The following MAPK10 variants were observed in gnomAD, a reference collection of about 807,000 sequenced individuals.
The protein encoded by MAPK10 is JNK3 alpha protein kinase.
Under a neutral mutation model 59.3 loss-of-function variants are expected in MAPK10, and 25 were observed. That is an observed-to-expected ratio of 0.42 (90% CI 0.31 to 0.59). The LOEUF (loss-of-function observed/expected upper bound fraction) is 0.59, where lower values mean the gene tolerates loss of function less well. Ranked by LOEUF, MAPK10 falls within the 20% of genes least tolerant of loss-of-function variation. The pLI is 0.15. For missense variants in MAPK10, 351 were observed against 568.9 expected, an observed-to-expected ratio of 0.62 and a Z score of 3.90; for synonymous variants, 190 against 200.5, an observed-to-expected ratio of 0.95 and a Z score of 0.44.
At chr4:86,092,634 T>C (rs1395835922) in intron 9 of MAPK10, among the ~76,000 whole-genome samples, 1 of 151,866 alleles carries the variant, frequency 6.6e-6, no homozygotes, top group East Asian at 1.9e-4. Context: ...TATATATATA[T>C]ATATTGCTAA....
rs192320881 is a variant in MAPK10, at chr4:86,251,046, G to A, written c.-6-56639C>T. On this transcript the variant is annotated intron_variant, in intron 2 of 13. Transcript: ENST00000641462. ...AGTGAAGGAATTGTCCATCACAAAAGATATTTGTTCCCACATTAGAAGCCT... is the reference window on the plus strand; with the variant it reads ...AGTGAAGGAATTGTCCATCACAAAAAATATTTGTTCCCACATTAGAAGCCT... Among the ~76,000 whole-genome samples the A allele has an allele frequency of 6.5e-3, 840 of 129,784 alleles. 9 individuals carry two copies. Among genetic ancestry groups the A allele is most frequent in the African/African-American group, 0.032 (807 of 25,138 alleles). The allele number at this position is 129,784 out of a possible 152,430, so 85.1% of individuals were successfully genotyped here.
intron 1 of MAPK10, among the ~76,000 whole-genome samples, chr4:86,524,592 G>A (rs1483902373): frequency 1.3e-5 from 2 of 152,150 alleles, no homozygotes; most frequent in Non-Finnish European, 2.9e-5. Context: ...AGGGTTGCCA[G>A]GTAAGATACA....
In MAPK10 at chr4:86,434,880, A is replaced by G. The variant is rs117502054; in HGVS notation, c.-122+18150T>C. Among the ~76,000 whole-genome samples the G allele has an allele frequency of 3.7e-4, 56 of 152,362 alleles. No homozygotes were observed. In the East Asian group the frequency reaches 8.7e-3, roughly 24 times the overall value. On this transcript the variant is annotated intron_variant, in intron 1 of 13. Transcript: ENST00000361569. ...GCAGCACTATTCACAATAACCAAACATGGGATCAACCTGTGTCTGTCAATG... is the reference window on the plus strand; with the variant it reads ...GCAGCACTATTCACAATAACCAAACGTGGGATCAACCTGTGTCTGTCAATG...
chr4:86,018,590 C>T (rs937245317), intron 13 of MAPK10, among the ~76,000 whole-genome samples: 2 of 152,138 alleles, frequency 1.3e-5, no homozygotes, highest in Non-Finnish European at 2.9e-5. Flanking sequence ...TTGAGATCAA[C>T]AAAAGAAAGA....
intron 1 of MAPK10, among the ~76,000 whole-genome samples, chr4:86,593,153 C>T (rs1763212001): frequency 6.6e-6 from 1 of 152,104 alleles, no homozygotes; most frequent in African/African-American, 2.4e-5. Context: ...CTATTAATTC[C>T]CTCATTCATC....
At chr4:86,234,984 A>G (rs1396215004) in intron 2 of MAPK10, among the ~76,000 whole-genome samples, 1 of 152,172 alleles carries the variant, frequency 6.6e-6, no homozygotes, top group Non-Finnish European at 1.5e-5. Flanking sequence ...ATCATACCAG[A>G]TCATCTCTCC....
chr4:86,376,575 T>G (rs971682769), intron 1 of MAPK10, among the ~76,000 whole-genome samples: 2 of 152,204 alleles, frequency 1.3e-5, no homozygotes, highest in Non-Finnish European at 2.9e-5. Flanking sequence ...TGAAATTATG[T>G]CTCAGGCATA....
At chr4:86,046,686 T>C (rs2042564687) in intron 11 of MAPK10, among the ~76,000 whole-genome samples, 1 of 152,130 alleles carries the variant, frequency 6.6e-6, no homozygotes. Flanking sequence ...ACTCAAATAA[T>C]TTTTAAAAAG....
chr4:86,091,947 C>T (rs1049814441), intron 9 of MAPK10, among the ~76,000 whole-genome samples: 1 of 152,092 alleles, frequency 6.6e-6, no homozygotes, highest in Admixed American at 6.6e-5. Flanking sequence ...GCTGGGATTA[C>T]AGGCATGAGA....
intron 2 of MAPK10, among the ~76,000 whole-genome samples, chr4:86,233,854 G>C (rs2148669417): frequency 6.6e-6 from 1 of 151,976 alleles, no homozygotes; most frequent in Admixed American, 6.5e-5. Flanking sequence ...AAGATGCTTA[G>C]AATTCCAGGA....
At chr4:86,360,973 G>A (rs567007553), upstream of MAPK10, among the ~76,000 whole-genome samples, 13 of 152,194 alleles carry the variant, frequency 8.5e-5, no homozygotes, top group Admixed American at 3.9e-4. Flanking sequence ...CTCAAATTAC[G>A]TAATCTAATT....
rs527864062 is a variant in MAPK10, at chr4:86,179,299, C to T, written c.66+15037G>A. Among the ~76,000 whole-genome samples the T allele has an allele frequency of 2.6e-5, 4 of 151,920 alleles. No individual in the cohort carries two copies. In the South Asian group the frequency reaches 8.3e-4, roughly 32 times the overall value. Reference sequence around the variant, plus strand: ...ATAAAATACCTAGGAATAAATTTAACCAAGGAGGTGAAAGACTTATACAAG... The same window carrying T: ...ATAAAATACCTAGGAATAAATTTAATCAAGGAGGTGAAAGACTTATACAAG... On this transcript the variant is annotated intron_variant, in intron 3 of 13. Transcript: ENST00000641462.
At chr4:86,581,107 G>A (rs112421432) in intron 1 of MAPK10, among the ~76,000 whole-genome samples, 7,096 of 152,154 alleles carry the variant, frequency 0.047, 221 homozygotes, top group African/African-American at 0.061. Context: ...TTAGTTTCCT[G>A]TCTTCTATTT....
intron 11 of MAPK10, among the ~76,000 whole-genome samples, chr4:86,053,264 T>C (rs554122459): frequency 7.8e-4 from 119 of 152,280 alleles, no homozygotes; most frequent in Middle Eastern, 3.4e-3. Flanking sequence ...ATTTTCTTTA[T>C]TGATAAATGC....
intron 9 of MAPK10, among the ~76,000 whole-genome samples, chr4:86,085,394 C>T (rs922339530): frequency 2.0e-5 from 3 of 151,918 alleles, no homozygotes; most frequent in Non-Finnish European, 2.9e-5. Flanking sequence ...TCAAACAACT[C>T]TATAGGAAAA....
rs564117056 is a variant in MAPK10 at position 86,159,061 on chromosome 4, CT to C, written c.236+236del. 27 of 337,744 alleles carry C rather than the reference CT, an allele frequency of 8.0e-5. No homozygotes were observed. In the Admixed American group the frequency reaches 8.0e-4, roughly 10 times the overall value. The allele number at this position is 337,744 out of a possible 1,614,324, so 20.9% of individuals were successfully genotyped here. A position where few individuals can be genotyped will look rare whatever the true frequency, so the allele number is the denominator to read the frequency against. On this transcript the variant is annotated intron_variant, in intron 4 of 13. Transcript: ENST00000641462. ...TTTCTTTATGATTCTTGTGTAATAA[CT>C]TTTTTTCTCTGACCAAAAAAAAAAC...
At chr4:86,454,305 A>G (rs561802179), upstream of MAPK10, among the ~76,000 whole-genome samples, 10 of 152,362 alleles carry the variant, frequency 6.6e-5, no homozygotes, top group African/African-American at 2.4e-4. Context: ...AAGGATAGTT[A>G]TTAAGCTAAT....
rs968520080 is a variant in MAPK10, at chr4:86,198,841, GA to G, written c.-6-4435del. ...ATATAAACAGTGAAAAATTTATTGA[GA>G]ATCTATAAAAAGCTCCTTAAAAATC... On this transcript the variant is annotated intron_variant, in intron 2 of 13. Coordinates refer to ENST00000641462, the MANE Select transcript of MAPK10 (RefSeq NM_138982.4). 1.5e-3 allele frequency among the ~76,000 whole-genome samples: 220 copies of G among 151,662 alleles called. 1 individual carries two copies. Among genetic ancestry groups the G allele is most frequent in the African/African-American group, 5.2e-3 (214 of 41,428 alleles).
At chr4:86,471,236 T>A (rs1579325532) in intron 1 of MAPK10, among the ~76,000 whole-genome samples, 1 of 129,282 alleles carries the variant, frequency 7.7e-6, no homozygotes, top group South Asian at 2.3e-4. Context: ...GCCATTGCAC[T>A]CCAGCCTGAG....
Sources: allele counts gnomAD v4.1 joint callset (sites outside exome capture counted in the v4.1 genomes callset), GRCh38; gene constraint gnomAD v4.1.1; transcripts MANE v1.5; gene names NCBI Gene and HGNC (gene_info 2026-07-23, HGNC 2026-07-21).